RASGEF1C: variants seen among roughly 807,000 people sequenced by gnomAD.
RASGEF1C encodes ras-GEF domain-containing family member 1C.
RASGEF1C carries 27 observed loss-of-function variants against 58.1 expected under a neutral mutation model. The observed-to-expected ratio is 0.46, with a 90% CI of 0.34 to 0.64. RASGEF1C has a LOEUF of 0.64. RASGEF1C is among the 30% of genes least tolerant of loss of function. The pLI, the probability that RASGEF1C is intolerant of heterozygous loss-of-function variation, is 0.01. For missense variants in RASGEF1C, 502 were observed against 605.1 expected (o/e 0.83, Z 1.79); for synonymous variants, 243 against 246.3 (o/e 0.99, Z 0.13).
chr5:180,185,708 G>A (rs965705728), intron 1 of RASGEF1C, among the ~76,000 whole-genome samples: 11 of 152,168 alleles, frequency 7.2e-5, no homozygotes, highest in Middle Eastern at 3.4e-3. Flanking sequence ...AAAATTATTC[G>A]AATGATACAA....
At chr5:180,111,316 C>G (rs1765954924) in intron 12 of RASGEF1C, 141 bp downstream of exon 12, 5 of 1,117,144 alleles carry the variant, frequency 4.5e-6, no homozygotes, top group Non-Finnish European at 6.4e-6. Flanking sequence ...GGATGGAGCC[C>G]TCCTTGTTCC....
rs1488826241 is a variant in RASGEF1C, at chr5:180,209,122, G to GCCGCCGCCGCCGACCGGGGCGCCGC, written c.-102_-101insGCGGCGCCCCGGTCGGCGGCGGCGG. The stretch of plus-strand genomic sequence containing the variant: ...GACCGGGGCGCCGCCCGCCGCCGCC[G>GCCGCCGCCGCCGACCGGGGCGCCGC]CCGCCGCCGCCGCCGCCGCCGCCGC... On this transcript the variant is annotated 5_prime_UTR_variant, in exon 1 of 14. Transcript: ENST00000361132. 3.4e-3 allele frequency: 23 copies of GCCGCCGCCGCCGACCGGGGCGCCGC among 6,756 alleles called. No individual in the cohort carries two copies. The highest frequency in any genetic ancestry group is 0.022 in the Admixed American group (11 of 510). The allele number at this position is 6,756 out of a possible 1,614,324, so 0.4% of individuals were successfully genotyped here.
chr5:180,101,394 G>T lies in RASGEF1C; in HGVS notation c.*107C>A. ...GCAGCAGGCCACAGGGTCGGCATTT[G>T]CAAAATAGTGAGGCACTCCCTGGCC... On this transcript the variant is annotated 3_prime_UTR_variant, in exon 14 of 14. Coordinates refer to ENST00000361132, the MANE Select transcript of RASGEF1C (RefSeq NM_175062.4). The T allele has an allele frequency of 7.4e-7, 1 of 1,359,568 alleles. No individual in the cohort carries two copies. Among genetic ancestry groups the T allele is most frequent in the Non-Finnish European group, 1.0e-6 (1 of 977,628 alleles). 84.2% of individuals were successfully genotyped at this position (1,359,568 alleles called of 1,614,324 possible). A position where few individuals can be genotyped will look rare whatever the true frequency, so the allele number is the denominator to read the frequency against.
intron 1 of RASGEF1C, among the ~76,000 whole-genome samples, chr5:180,148,175 T>G (rs1274732331): frequency 6.6e-6 from 1 of 152,190 alleles, no homozygotes; most frequent in Non-Finnish European, 1.5e-5. Context: ...ACTCTCTTTT[T>G]GTTACTGTTT....
chr5:180,108,204 CTTT>C (rs34249635), intron 12 of RASGEF1C, among the ~76,000 whole-genome samples: 7 of 124,964 alleles, frequency 5.6e-5, no homozygotes, highest in Non-Finnish European at 8.0e-5. Flanking sequence ...TTCTTTCTTT[CTTT>C]TTTTTTTTTT....
intron 1 of RASGEF1C, among the ~76,000 whole-genome samples, chr5:180,203,386 G>A (rs537444690): frequency 7.9e-4 from 121 of 152,330 alleles, no homozygotes; most frequent in Non-Finnish European, 1.5e-3. Context: ...AGACCTGTGG[G>A]TAGTCCCGAG....
intron 4 of RASGEF1C, among the ~76,000 whole-genome samples, chr5:180,130,754 C>A (rs78836916): frequency 6.6e-6 from 1 of 152,086 alleles, no homozygotes; most frequent in Non-Finnish European, 1.5e-5. Flanking sequence ...TCTGTCTAGG[C>A]CTCTCTTCTC....
chr5:180,110,008 C>A (rs1056826720), intron 12 of RASGEF1C, among the ~76,000 whole-genome samples: 5 of 152,218 alleles, frequency 3.3e-5, no homozygotes, highest in African/African-American at 1.2e-4. Context: ...TGTTTTGAGC[C>A]ACCAAGCTTG....
intron 1 of RASGEF1C, among the ~76,000 whole-genome samples, chr5:180,192,151 A>G (rs1465683430): frequency 6.6e-6 from 1 of 152,270 alleles, no homozygotes; most frequent in Non-Finnish European, 1.5e-5. Flanking sequence ...TTGGTTAACT[A>G]AAAGTCAACA....
Position 180,118,991 on chromosome 5 carries a change from G to A in RASGEF1C, c.908-125C>T, listed in dbSNP as rs1441169320. The A allele has an allele frequency of 3.7e-5, 31 of 838,570 alleles. No homozygotes were observed. The Admixed American group carries it at 6.2e-4, about 17-fold the overall frequency. The allele number at this position is 838,570 out of a possible 1,614,324, so 51.9% of individuals were successfully genotyped here. On this transcript the variant is annotated intron_variant, in intron 8 of 13. Transcript: ENST00000361132. The stretch of plus-strand genomic sequence containing the variant: ...TGCAGGGCTCAGCCTGTCACATGGT[G>A]GGTGGGTGAGGGGGTGCTGGTGGAC...
intron 1 of RASGEF1C, among the ~76,000 whole-genome samples, chr5:180,151,975 T>C (rs367696705): frequency 0.086 from 11,853 of 138,462 alleles, 733 homozygotes; most frequent in Non-Finnish European, 0.12. Context: ...AAAATGCTCA[T>C]CATCACTGGC....
In RASGEF1C at chr5:180,187,307, TAA is replaced by T. The variant is rs752765619; in HGVS notation, c.-7+21719_-7+21720del. On this transcript the variant is annotated intron_variant, in intron 1 of 13. Transcript: ENST00000361132. ...GACCTATATATACGAGCTAAAACTA[TAA>T]AACTCTCAGGAGAAAACCTGGGGAG... Among the ~76,000 whole-genome samples, 37 of 152,100 alleles carry T rather than the reference TAA, an allele frequency of 2.4e-4. 1 individual carries two copies. The highest frequency in any genetic ancestry group is 2.4e-4 in the Non-Finnish European group (16 of 68,016).
chr5:180,207,307 G>C (rs1353714699), intron 1 of RASGEF1C, among the ~76,000 whole-genome samples: 1 of 152,232 alleles, frequency 6.6e-6, no homozygotes, highest in Non-Finnish European at 1.5e-5. Context: ...AGGAGAAAGG[G>C]AAAGGAAATA....
At chr5:180,149,354 G>A (rs1335453739) in intron 1 of RASGEF1C, among the ~76,000 whole-genome samples, 1 of 150,972 alleles carries the variant, frequency 6.6e-6, no homozygotes, top group Non-Finnish European at 1.5e-5. Context: ...CCAAAGTGCT[G>A]GGATTACAGG....
At chr5:180,167,066 G>C (rs182436702) in intron 1 of RASGEF1C, among the ~76,000 whole-genome samples, 1 of 152,092 alleles carries the variant, frequency 6.6e-6, no homozygotes. Context: ...TTCTGCTTGA[G>C]ATTCATCCTG....
At chr5:180,106,659 T>C (rs1765878720) in intron 12 of RASGEF1C, among the ~76,000 whole-genome samples, 1 of 152,246 alleles carries the variant, frequency 6.6e-6, no homozygotes, top group Non-Finnish European at 1.5e-5. Context: ...TTACTTTCAA[T>C]TTGTTTCAGC....
chr5:180,178,211 G>A (rs1441322017), intron 1 of RASGEF1C, among the ~76,000 whole-genome samples: 2 of 145,518 alleles, frequency 1.4e-5, no homozygotes, highest in Admixed American at 7.0e-5. Flanking sequence ...CTGGCCTCGT[G>A]ATCTGCTTGC....
At chr5:180,152,360 A>G (rs890083798) in intron 1 of RASGEF1C, among the ~76,000 whole-genome samples, 2 of 152,186 alleles carry the variant, frequency 1.3e-5, no homozygotes, top group African/African-American at 2.4e-5. Flanking sequence ...TGGCACATAT[A>G]CACCATGGAA....
At chr5:180,128,386 G>C (rs767448978) in intron 5 of RASGEF1C, 24 bp downstream of exon 5, 3 of 1,602,300 alleles carry the variant, frequency 1.9e-6, no homozygotes, top group Non-Finnish European at 2.6e-6. Context: ...TCCCGGGTGA[G>C]GAAGGTGGTT....
Sources: allele counts gnomAD v4.1 joint callset (sites outside exome capture counted in the v4.1 genomes callset), GRCh38; gene constraint gnomAD v4.1.1; transcripts MANE v1.5; gene names NCBI Gene and HGNC (gene_info 2026-07-23, HGNC 2026-07-21).